YIPF6: variants seen among roughly 807,000 people sequenced by gnomAD.
YIPF6 encodes the protein Yip1 domain family member 6.
Under a neutral mutation model 16.8 loss-of-function variants are expected in YIPF6, and 3 were observed. That is an observed-to-expected ratio of 0.18 (90% CI 0.08 to 0.46). The LOEUF is 0.46. Among genes scored for constraint, YIPF6 ranks in the 20% least tolerant of loss-of-function variants. The pLI, the probability that YIPF6 is intolerant of heterozygous loss-of-function variation, is 0.98. For synonymous variants in YIPF6, 67 were observed against 61.9 expected (o/e 1.08, Z -0.38); for missense variants, 145 against 184.9 (o/e 0.78, Z 1.25).
At chrX:68,529,488 TC>T (rs2079162646) in intron 6 of YIPF6, among the ~76,000 whole-genome samples, 1 of 110,881 alleles carries the variant, frequency 9.0e-6, no homozygotes. Flanking sequence ...TTCGTCAAAC[TC>T]ATTCTTCATC....
In YIPF6 at chrX:68,532,198, C is replaced by A; in HGVS notation, c.*199C>A. 1 of 383,801 alleles carries A rather than the reference C, an allele frequency of 2.6e-6. No homozygotes were observed. The highest frequency in any genetic ancestry group is 4.5e-6 in the Non-Finnish European group (1 of 221,411). 31.6% of individuals were successfully genotyped at this position (383,801 alleles called of 1,213,427 possible). A position where few individuals can be genotyped will look rare whatever the true frequency, so the allele number is the denominator to read the frequency against. The stretch of plus-strand genomic sequence containing the variant: ...CTGATGTTTGAAAGGCTGTTCTTTT[C>A]TCTCTTAATGTCATTTCTTTAAAAA... On this transcript the variant is annotated 3_prime_UTR_variant, in exon 7 of 7. Transcript: ENST00000462683.
chrX:68,515,223 G>A (rs1461616505), intron 3 of YIPF6: 1 of 107,781 alleles, frequency 9.3e-6, no homozygotes, highest in African/African-American at 3.4e-5. Context: ...CTACTCGGGA[G>A]GCTGAGGCAG....
Position 68,533,632 on chromosome X carries a change from CCCTTGGTTCCAG to C in YIPF6, c.*1639_*1650del, listed in dbSNP as rs1371586363. ...ATAACAAAGCATTACAAAGTGGGTCCCCTTGGTTCCAGCCTTGTCCAGAGTTTTTGGTTATAT... is the reference window on the plus strand; with the variant it reads ...ATAACAAAGCATTACAAAGTGGGTCCCCTTGTCCAGAGTTTTTGGTTATAT... On this transcript the variant is annotated 3_prime_UTR_variant, in exon 7 of 7. Coordinates refer to ENST00000462683, the MANE Select transcript of YIPF6 (RefSeq NM_173834.4). 1 of 111,589 alleles carries C rather than the reference CCCTTGGTTCCAG, an allele frequency of 9.0e-6. No homozygotes were observed. The highest frequency in any genetic ancestry group is 1.9e-5 in the Non-Finnish European group (1 of 53,129). 9.2% of individuals were successfully genotyped at this position (111,589 alleles called of 1,213,427 possible).
chrX:68,520,739 T>TAA (rs1410981009), intron 4 of YIPF6, among the ~76,000 whole-genome samples: 1 of 112,053 alleles, frequency 8.9e-6, no homozygotes, highest in African/African-American at 3.2e-5. Context: ...CCCAAAGTGC[T>TAA]GAGATTACAG....
At chrX:68,531,146 A>G (rs2079169662) in intron 6 of YIPF6, among the ~76,000 whole-genome samples, 1 of 110,152 alleles carries the variant, frequency 9.1e-6, no homozygotes, top group Non-Finnish European at 1.9e-5. Flanking sequence ...GTTTTTTGAG[A>G]CTGGGTCTTT....
Position 68,537,271 on chromosome X carries a change from A to C in YIPF6, c.*5272A>C, listed in dbSNP as rs1221335807. 1 of 112,257 alleles carries C rather than the reference A, an allele frequency of 8.9e-6. No individual in the cohort carries two copies. Among genetic ancestry groups the C allele is most frequent in the Non-Finnish European group, 1.9e-5 (1 of 53,321 alleles). 9.3% of individuals were successfully genotyped at this position (112,257 alleles called of 1,213,427 possible). ...GTGACTATTAAATGTGCAACTAAAAACACTGGAAAAAGAATTTGTGTGTGC... is the reference window on the plus strand; with the variant it reads ...GTGACTATTAAATGTGCAACTAAAACCACTGGAAAAAGAATTTGTGTGTGC... On this transcript the variant is annotated 3_prime_UTR_variant, in exon 7 of 7. Transcript: ENST00000462683.
chrX:68,515,143 G>A (rs1249259257), intron 3 of YIPF6: 2 of 107,993 alleles, frequency 1.9e-5, no homozygotes, highest in Non-Finnish European at 3.8e-5. Context: ...TGGCTAACAC[G>A]GTGAAACCCC....
chrX:68,509,136 A>T (rs753414328), intron 1 of YIPF6, among the ~76,000 whole-genome samples: 83 of 105,763 alleles, frequency 7.8e-4, no homozygotes, highest in Middle Eastern at 4.9e-3. Flanking sequence ...TTGAGACAGC[A>T]TCTCACTCTG....
intron 6 of YIPF6, among the ~76,000 whole-genome samples, chrX:68,529,728 G>C (rs772141309): frequency 9.0e-6 from 1 of 111,466 alleles, no homozygotes; most frequent in South Asian, 3.8e-4. Context: ...TAACAGTCAG[G>C]CCCCTCTGCT....
chrX:68,507,026 T>C (rs1015091152), intron 1 of YIPF6, among the ~76,000 whole-genome samples: 2 of 112,680 alleles, frequency 1.8e-5, no homozygotes, highest in Non-Finnish European at 3.7e-5. Flanking sequence ...TCCTAAATTA[T>C]ATTTTTATAA....
intron 1 of YIPF6, among the ~76,000 whole-genome samples, chrX:68,503,445 C>T (rs187679355): frequency 8.9e-5 from 10 of 111,738 alleles, no homozygotes; most frequent in South Asian, 3.7e-4. Flanking sequence ...TCGCCTTTCC[C>T]GCTGAGGGCT....
chrX:68,522,760 A>G lies in YIPF6; in HGVS notation c.435A>G (p.Ile145Met). The change falls in exon 6 of 7, where the codon ATA becomes ATG. Residue 145 changes from isoleucine (I) to methionine (M), a missense_variant and splice_region_variant. By Grantham distance (10) the Ile-to-Met change is conservative. Transcript: ENST00000462683. ...TTTATTAATGTATTTTGTTTTTAAG[A>G]TCTTTTTTTCAGAGCCTCTGTGTGC... ...TLNSKLLGGN[I>M]SFFQSLCVLG... The G allele has an allele frequency of 8.4e-7, 1 of 1,192,514 alleles. No homozygotes were observed. The highest frequency in any genetic ancestry group is 1.1e-6 in the Non-Finnish European group (1 of 889,395).
In YIPF6 at chrX:68,521,442, G is replaced by A; in HGVS notation, c.379G>A (p.Val127Ile). 8.3e-7 allele frequency: 1 copy of A among 1,211,222 alleles called. No individual in the cohort carries two copies. The highest frequency in any genetic ancestry group is 1.1e-6 in the Non-Finnish European group (1 of 895,109). Reference sequence around the variant, plus strand: ...CCAATTTGCAGAGGTGTTTGTCATTGTCTGGTTTGGTGCAGTTACCATCAC... The same window carrying A: ...CCAATTTGCAGAGGTGTTTGTCATTATCTGGTTTGGTGCAGTTACCATCAC... Reference protein sequence around the residue: ...GPQFAEVFVIVWFGAVTITLN... With the variant: ...GPQFAEVFVIIWFGAVTITLN... Residue 127 changes from valine (V) to isoleucine (I), a missense_variant, in exon 5 of 7, where the codon GTC (valine) becomes ATC (isoleucine). Transcript: ENST00000462683.
At chrX:68,517,240 C>T (rs1488722155) in intron 3 of YIPF6, among the ~76,000 whole-genome samples, 4 of 111,375 alleles carry the variant, frequency 3.6e-5, no homozygotes, top group Non-Finnish European at 7.5e-5. Context: ...CTCTGCCACC[C>T]GGGTTCAAGC....
At chrX:68,521,619 G>A in intron 5 of YIPF6, 122 bp downstream of exon 5, 1 of 752,334 alleles carries the variant, frequency 1.3e-6, no homozygotes, top group Non-Finnish European at 1.9e-6. Flanking sequence ...TGTCACCCAG[G>A]CTCGAGTGCA....
In YIPF6 at chrX:68,534,748, CT is replaced by C. The variant is rs1385942960; in HGVS notation, c.*2753del. 1.8e-5 allele frequency: 2 copies of C among 112,144 alleles called. No homozygotes were observed. Among genetic ancestry groups the C allele is most frequent in the East Asian group, 5.6e-4 (2 of 3,590 alleles). 9.2% of individuals were successfully genotyped at this position (112,144 alleles called of 1,213,427 possible). ...CTGGAAGTTGTAACCCTCAACACAG[CT>C]TTTCCTGATTTGCTGCAAAGGCACA... On this transcript the variant is annotated 3_prime_UTR_variant, in exon 7 of 7. Transcript: ENST00000462683.
chrX:68,510,096 G>C (rs984446963), intron 1 of YIPF6, among the ~76,000 whole-genome samples: 11 of 111,595 alleles, frequency 9.9e-5, no homozygotes, highest in African/African-American at 3.6e-4. Context: ...AGGCTACTTG[G>C]TCTCCCTACA....
Position 68,533,182 on chromosome X carries a change from A to C in YIPF6, c.*1183A>C, listed in dbSNP as rs995303343. 8.9e-6 allele frequency: 1 copy of C among 111,834 alleles called. No homozygotes were observed. The highest frequency in any genetic ancestry group is 3.3e-5 in the African/African-American group (1 of 30,763). 9.2% of individuals were successfully genotyped at this position (111,834 alleles called of 1,213,427 possible). Reference sequence around the variant, plus strand: ...TATTTTATTGATTTTAGACTTTATCAAGCTAATTAGCTCCCCTTTAGATAA... The same window carrying C: ...TATTTTATTGATTTTAGACTTTATCCAGCTAATTAGCTCCCCTTTAGATAA... On this transcript the variant is annotated 3_prime_UTR_variant, in exon 7 of 7. Coordinates refer to ENST00000462683, the MANE Select transcript of YIPF6 (RefSeq NM_173834.4).
chrX:68,517,667 T>A (rs774579718), intron 3 of YIPF6, among the ~76,000 whole-genome samples: 2 of 111,856 alleles, frequency 1.8e-5, no homozygotes, highest in Non-Finnish European at 3.8e-5. Flanking sequence ...AGAACTTTGG[T>A]CTAAGAATCA....
Sources: gnomAD v4.1 joint callset for allele counts (sites outside exome capture counted in the v4.1 genomes callset) on GRCh38, gnomAD v4.1.1 for gene constraint, MANE v1.5 for transcripts, NCBI Gene and HGNC (gene_info 2026-07-23, HGNC 2026-07-21) for gene names.